Variants in LBR observed in about 807,000 individuals in gnomAD.
LBR encodes the protein lamin B receptor, also known as delta(14)-sterol reductase LBR.
LBR carries 28 observed loss-of-function variants against 74.3 expected under a neutral mutation model. The observed-to-expected ratio is 0.38, with a 90% CI of 0.28 to 0.52. The LOEUF is 0.52. Among genes scored for constraint, LBR ranks in the 20% least tolerant of loss-of-function variants. The pLI is 0.89. For synonymous variants in LBR, 228 were observed against 269.3 expected, an observed-to-expected ratio of 0.85 and a Z score of 1.50; for missense variants, 717 against 760.3, an observed-to-expected ratio of 0.94 and a Z score of 0.67.
intron 7 of LBR, among the ~76,000 whole-genome samples, chr1:225,413,039 G>A (rs1267824862): frequency 6.6e-6 from 1 of 152,208 alleles, no homozygotes; most frequent in Non-Finnish European, 1.5e-5. Flanking sequence ...TACCTAAGGG[G>A]AGGGTATTAT....
At chr1:225,423,759 C>G in intron 2 of LBR, 152 bp downstream of exon 2, 1 of 776,366 alleles carries the variant, frequency 1.3e-6, no homozygotes, top group Non-Finnish European at 2.2e-6. Flanking sequence ...TTCATACATT[C>G]CCAGAGCCAA....
chr1:225,428,298 C>T (rs1004313470), upstream of LBR, among the ~76,000 whole-genome samples: 1 of 152,070 alleles, frequency 6.6e-6, no homozygotes, highest in African/African-American at 2.4e-5. Flanking sequence ...CGGGGCGGCC[C>T]GGAGCGCGAC....
intron 5 of LBR, among the ~76,000 whole-genome samples, chr1:225,418,818 C>T (rs1174650566): frequency 6.6e-5 from 10 of 152,226 alleles, no homozygotes; most frequent in Admixed American, 3.9e-4. Context: ...CCCTCACAAT[C>T]AACCCGCCTA....
chr1:225,408,787 T>C (rs1404604262), intron 10 of LBR, among the ~76,000 whole-genome samples: 7 of 152,256 alleles, frequency 4.6e-5, no homozygotes, highest in South Asian at 2.1e-4. Flanking sequence ...ATTAAGCGTT[T>C]TGCCTTAAGA....
chr1:225,421,359 G>C (rs1273517325), intron 3 of LBR, among the ~76,000 whole-genome samples: 1 of 152,206 alleles, frequency 6.6e-6, no homozygotes, highest in Non-Finnish European at 1.5e-5. Flanking sequence ...CAGGCATGGT[G>C]GTGGGCGCCT....
chr1:225,404,566 C>T (rs2096087591), intron 12 of LBR, 40 bp from the exon 13 acceptor site: 2 of 1,570,712 alleles, frequency 1.3e-6, no homozygotes, highest in African/African-American at 2.8e-5. Context: ...GATGTCGAGA[C>T]AAAAAGAAAA....
chr1:225,416,066 A>G (rs1054263366), intron 6 of LBR, among the ~76,000 whole-genome samples: 2 of 151,940 alleles, frequency 1.3e-5, no homozygotes, highest in Non-Finnish European at 2.9e-5. Context: ...AAAACTAGCC[A>G]AGCCTGGTGG....
At chr1:225,419,821 T>C in intron 3 of LBR, 23 bp from the exon 4 acceptor site, 1 of 1,483,226 alleles carries the variant, frequency 6.7e-7, no homozygotes, top group Non-Finnish European at 9.4e-7. Context: ...ATATAAACAT[T>C]TAATCAAAAG....
intron 9 of LBR, 121 bp from the exon 10 acceptor site, chr1:225,410,537 G>C: frequency 1.0e-6 from 1 of 982,100 alleles, no homozygotes; most frequent in Non-Finnish European, 1.6e-6. Flanking sequence ...ACTCCTACCC[G>C]CCACCAGGAA....
chr1:225,404,559 G>T (rs780394516), intron 12 of LBR, 33 bp from the exon 13 acceptor site: 3 of 1,573,266 alleles, frequency 1.9e-6, no homozygotes, highest in African/African-American at 2.8e-5. Context: ...TTTTAATGAT[G>T]TCGAGACAAA....
At chr1:225,410,533 A>C (rs1575221885) in intron 9 of LBR, 117 bp from the exon 10 acceptor site, 1 of 1,020,110 alleles carries the variant, frequency 9.8e-7, no homozygotes, top group Non-Finnish European at 1.5e-6. Flanking sequence ...CGTAACTCCT[A>C]CCCGCCACCA....
upstream of LBR, among the ~76,000 whole-genome samples, chr1:225,428,374 C>A (rs2096145586): frequency 1.3e-5 from 2 of 152,234 alleles, no homozygotes; most frequent in African/African-American, 4.8e-5. Flanking sequence ...CGCGCTCCCG[C>A]CCTTTCCCTC....
rs377457462 is a variant in LBR, at chr1:225,418,183, G to A, written c.641-3C>T. On this transcript the variant is annotated splice_region_variant and splice_polypyrimidine_tract_variant and intron_variant, in intron 5 of 13. Transcript: ENST00000272163. ...GCCAAACATGATGAGAAACACACCT[G>A]CAAACAATTCATGAACATTCGAGGC... 1 of 1,612,320 alleles carries A rather than the reference G, an allele frequency of 6.2e-7. No individual in the cohort carries two copies. The highest frequency in any genetic ancestry group is 1.3e-5 in the African/African-American group (1 of 74,796).
rs2096083360 is a variant in LBR at position 225,402,383 on chromosome 1, T to C, written c.*920A>G. The C allele has an allele frequency of 6.6e-6, 1 of 152,302 alleles. No homozygotes were observed. The allele number at this position is 152,302 out of a possible 1,614,324, so 9.4% of individuals were successfully genotyped here. A position where few individuals can be genotyped will look rare whatever the true frequency, so the allele number is the denominator to read the frequency against. ...ATGTTACTCCAAAAATATATACTTA[T>C]TCTATTTTTTTTCTATTTGCAACAG... On this transcript the variant is annotated 3_prime_UTR_variant, in exon 14 of 14. Transcript: ENST00000272163.
chr1:225,408,132 T>G (rs1350337184), intron 10 of LBR, among the ~76,000 whole-genome samples: 1 of 152,198 alleles, frequency 6.6e-6, no homozygotes, highest in Admixed American at 6.5e-5. Context: ...TAGAACTTAC[T>G]CCTCCTATCG....
rs368708382 is a variant in LBR at position 225,419,800 on chromosome 1, T to G, written c.367-2A>C. 4.4e-6 allele frequency: 7 copies of G among 1,587,540 alleles called. No homozygotes were observed. In the African/African-American group the frequency reaches 9.4e-5, roughly 21 times the overall value. On this transcript the variant is annotated splice_acceptor_variant, in intron 3 of 13. Transcript: ENST00000272163. LOFTEE classifies it high-confidence loss of function. ...GCTGATGCTATTTCCAAATGGCTTCTAAATTGAAGAATATAAACATTTAAT... is the reference window on the plus strand; with the variant it reads ...GCTGATGCTATTTCCAAATGGCTTCGAAATTGAAGAATATAAACATTTAAT...
rs1342187321 is a variant in LBR at position 225,402,481 on chromosome 1, A to G, written c.*822T>C. On this transcript the variant is annotated 3_prime_UTR_variant, in exon 14 of 14. Transcript: ENST00000272163. ...TCACAAACTTTGGATCAAGAAAAAT[A>G]CCCTTCCTATGTTTTAACAGCATCT... The G allele has an allele frequency of 1.3e-5, 2 of 152,572 alleles. No individual in the cohort carries two copies. The highest frequency in any genetic ancestry group is 2.9e-5 in the Non-Finnish European group (2 of 68,008). The allele number at this position is 152,572 out of a possible 1,614,324, so 9.5% of individuals were successfully genotyped here.
At chr1:225,412,105 C>G (rs745931430) in intron 8 of LBR, among the ~76,000 whole-genome samples, 1 of 152,192 alleles carries the variant, frequency 6.6e-6, no homozygotes, top group African/African-American at 2.4e-5. Flanking sequence ...CCACCTCACC[C>G]GGCCAGTAAC....
At chr1:225,411,709 A>G (rs2096106161) in intron 8 of LBR, among the ~76,000 whole-genome samples, 1 of 152,250 alleles carries the variant, frequency 6.6e-6, no homozygotes. Context: ...GGCCCCCCCA[A>G]AGGACTTTAC....
Sources: allele counts gnomAD v4.1 joint callset (sites outside exome capture counted in the v4.1 genomes callset), GRCh38; gene constraint gnomAD v4.1.1; transcripts MANE v1.5; gene names NCBI Gene and HGNC (gene_info 2026-07-23, HGNC 2026-07-21).